MYOM2: variants seen among roughly 807,000 people sequenced by gnomAD.
The protein encoded by MYOM2 is myomesin-2.
A neutral mutation model predicts 187.6 loss-of-function variants in MYOM2; 254 were observed. The ratio of observed to expected loss-of-function variants is 1.35; its 90% CI spans 1.22 to 1.50. The LOEUF is 1.50. Among genes scored for constraint, MYOM2 ranks in the 40% most tolerant of loss-of-function variants. The pLI, the probability that MYOM2 is intolerant of heterozygous loss-of-function variation, is 0.00. For missense variants in MYOM2, 2,796 were observed against 1,924.0 expected (o/e 1.45, Z -8.48); for synonymous variants, 981 against 753.8 (o/e 1.30, Z -4.94).
rs35873643 is a variant in MYOM2 at position 2,091,016 on chromosome 8, CTTTTTTTTTTT to C, written c.1828+835_1828+845del. ...GGGATTGCTAGGTTGAATGATAGTT[CTTTTTTTTTTT>C]TTTTTTTTTGGCTCTTTGAGGAATC... On this transcript the variant is annotated intron_variant, in intron 15 of 36. Coordinates refer to ENST00000262113, the MANE Select transcript of MYOM2 (RefSeq NM_003970.4). 8.1e-5 allele frequency among the ~76,000 whole-genome samples: 7 copies of C among 86,512 alleles called. No homozygotes were observed. The South Asian group carries it at 3.0e-3, about 37-fold the overall frequency. 56.8% of individuals were successfully genotyped at this position (86,512 alleles called of 152,430 possible). A position where few individuals can be genotyped will look rare whatever the true frequency, so the allele number is the denominator to read the frequency against.
chr8:2,135,784 G>A (rs990013813), intron 32 of MYOM2, among the ~76,000 whole-genome samples: 5 of 152,194 alleles, frequency 3.3e-5, no homozygotes, highest in African/African-American at 1.2e-4. Context: ...ATATGTCCAA[G>A]TCATTGTCTA....
intron 17 of MYOM2, among the ~76,000 whole-genome samples, chr8:2,094,877 G>A (rs1796426786): frequency 6.6e-6 from 1 of 152,154 alleles, no homozygotes; most frequent in African/African-American, 2.4e-5. Flanking sequence ...CTCAGGGACC[G>A]TCCCTAGAAC....
chr8:2,093,880 T>C, intron 16 of MYOM2, 90 bp from the exon 17 acceptor site: 2 of 1,517,896 alleles, frequency 1.3e-6, no homozygotes, highest in African/African-American at 2.8e-5. Context: ...TAAAAATTTT[T>C]TATGGCGCGT....
intron 14 of MYOM2, 119 bp downstream of exon 14, chr8:2,085,509 C>CGCGTGGCCCCTCACTGTCGTGATCTTT (rs1819808804): frequency 2.4e-6 from 1 of 421,906 alleles, no homozygotes; most frequent in African/African-American, 7.8e-5. Flanking sequence ...TTGTGATCTC[C>CGCGTGGCCCCTCACTGTCGTGATCTTT]GCGTGGCCCC....
chr8:2,127,378 G>C (rs1157338811), intron 31 of MYOM2, among the ~76,000 whole-genome samples: 3 of 152,130 alleles, frequency 2.0e-5, no homozygotes, highest in African/African-American at 4.8e-5. Context: ...AGCTCACTCG[G>C]TTCCCTGCGC....
At position 2,079,497 on chromosome 8, in the gene MYOM2, G is replaced by A. The variant is rs1035897229; in HGVS notation, c.1463-63G>A. The stretch of plus-strand genomic sequence containing the variant: ...AGATGCAGAGCTGGCACAGAATGAG[G>A]GAAAACGGGCTTTTGGGGAAAACTT... On this transcript the variant is annotated intron_variant, in intron 12 of 36. Coordinates refer to ENST00000262113, the MANE Select transcript of MYOM2 (RefSeq NM_003970.4). 7 of 1,542,540 alleles carry A rather than the reference G, an allele frequency of 4.5e-6. No individual in the cohort carries two copies. In the African/African-American group the frequency reaches 6.8e-5, roughly 15 times the overall value.
chr8:2,055,189 G>A (rs17064611), intron 3 of MYOM2, among the ~76,000 whole-genome samples: 14,650 of 151,890 alleles, frequency 0.096, 1,239 homozygotes, highest in African/African-American at 0.23. Context: ...CAATGAAGAG[G>A]GCATTTTCCC....
chr8:2,098,786 C>T, intron 18 of MYOM2, 71 bp from the exon 19 acceptor site: 1 of 1,458,592 alleles, frequency 6.9e-7, no homozygotes, highest in Non-Finnish European at 9.3e-7. Context: ...CCAGTTATAA[C>T]AACTCCTCCC....
intron 18 of MYOM2, among the ~76,000 whole-genome samples, chr8:2,096,675 T>C (rs1368622778): frequency 6.6e-6 from 1 of 152,198 alleles, no homozygotes; most frequent in Non-Finnish European, 1.5e-5. Flanking sequence ...AGTGAGTCCA[T>C]GACCTCTGGT....
intron 4 of MYOM2, 66 bp from the exon 5 acceptor site, chr8:2,057,557 T>G: frequency 1.2e-6 from 2 of 1,612,288 alleles, no homozygotes; most frequent in South Asian, 2.2e-5. Context: ...GCATGGTGCT[T>G]GAGGGGCCGA....
At chr8:2,073,097 G>A (rs1042853015) in intron 9 of MYOM2, among the ~76,000 whole-genome samples, 3 of 152,188 alleles carry the variant, frequency 2.0e-5, no homozygotes, top group Non-Finnish European at 2.9e-5. Context: ...GCGGCCGCTC[G>A]CAGCACGTCC....
chr8:2,048,883 A>G (rs10113032), intron 1 of MYOM2, among the ~76,000 whole-genome samples: 134,318 of 151,498 alleles, frequency 0.89, 59,682 homozygotes, highest in East Asian at 1. Context: ...TCCGCCTCCC[A>G]GGTTCACGCC....
intron 23 of MYOM2, among the ~76,000 whole-genome samples, chr8:2,107,021 A>T (rs544941661): frequency 1.3e-5 from 2 of 152,190 alleles, no homozygotes; most frequent in Non-Finnish European, 2.9e-5. Flanking sequence ...ATTTTAACTG[A>T]CGAAGTGAAA....
In MYOM2 at chr8:2,120,683, T is replaced by TA. The variant is rs1386558989; in HGVS notation, c.3454-2568dup. On this transcript the variant is annotated intron_variant, in intron 28 of 36. Transcript: ENST00000262113. ...GTATATATATATATATATTATATTA[T>TA]ATATAAATATATAATATATATATTT... Among the ~76,000 whole-genome samples, 32 of 40,244 alleles carry TA rather than the reference T, an allele frequency of 8.0e-4. 3 individuals carry two copies. The highest frequency in any genetic ancestry group is 2.1e-3 in the African/African-American group (28 of 13,634). 26.4% of individuals were successfully genotyped at this position (40,244 alleles called of 152,430 possible).
chr8:2,092,653 C>A, intron 16 of MYOM2, 133 bp downstream of exon 16: 1 of 884,704 alleles, frequency 1.1e-6, no homozygotes, highest in Non-Finnish European at 1.7e-6. Flanking sequence ...TAGCCACACA[C>A]AAGGGCTGTA....
chr8:2,054,420 G>T (rs1371766), intron 3 of MYOM2, among the ~76,000 whole-genome samples: 54,603 of 151,964 alleles, frequency 0.36, 10,655 homozygotes, highest in East Asian at 0.66. Context: ...CCTGAATCTT[G>T]CAAGCCACCT....
chr8:2,074,309 A>C (rs1819339189), intron 10 of MYOM2, among the ~76,000 whole-genome samples: 1 of 152,200 alleles, frequency 6.6e-6, no homozygotes, highest in Non-Finnish European at 1.5e-5. Flanking sequence ...ATGGAGGCTC[A>C]GAGGCAGGAG....
At chr8:2,134,742 G>A (rs927252690) in intron 32 of MYOM2, among the ~76,000 whole-genome samples, 7 of 152,204 alleles carry the variant, frequency 4.6e-5, no homozygotes, top group African/African-American at 1.7e-4. Flanking sequence ...GCCCTTGGGA[G>A]CTCCTTCCGG....
intron 10 of MYOM2, among the ~76,000 whole-genome samples, chr8:2,075,736 C>G (rs886651829): frequency 6.6e-6 from 1 of 152,166 alleles, no homozygotes; most frequent in Non-Finnish European, 1.5e-5. Context: ...GCCCAATTTC[C>G]TAAGGATTTT....
Sources: allele counts gnomAD v4.1 joint callset (sites outside exome capture counted in the v4.1 genomes callset), GRCh38; gene constraint gnomAD v4.1.1; transcripts MANE v1.5; gene names NCBI Gene and HGNC (gene_info 2026-07-23, HGNC 2026-07-21).